Variants in OTUD7B observed in about 807,000 individuals in gnomAD.
OTUD7B encodes the protein OTU domain-containing protein 7B.
Under a neutral mutation model 82.2 loss-of-function variants are expected in OTUD7B, and 34 were observed. That is an observed-to-expected ratio of 0.41 (90% confidence interval 0.31 to 0.55). The LOEUF (loss-of-function observed/expected upper bound fraction) is 0.55, where lower values mean the gene tolerates loss of function less well. OTUD7B is among the 20% of genes least tolerant of loss of function. The pLI is 0.20. For missense variants in OTUD7B, 944 were observed against 1,062.1 expected (o/e 0.89, Z 1.55); for synonymous variants, 398 against 402.7 (o/e 0.99, Z 0.14).
chr1:150,047,033 T>C, the OTUD7B span, among the ~76,000 whole-genome samples: 6 of 152,076 alleles, frequency 3.9e-5, no homozygotes, highest in African/African-American at 1.4e-4. Flanking sequence ...ATCATGCCAC[T>C]GCACTCTAGC....
intron 2 of OTUD7B, among the ~76,000 whole-genome samples, chr1:149,977,022 G>T (rs1553778721): frequency 6.6e-6 from 1 of 152,162 alleles, no homozygotes; most frequent in African/African-American, 2.4e-5. Context: ...TCAGGAGTCT[G>T]AGGCAGGAGA....
At chr1:150,039,109 T>A in the OTUD7B span, among the ~76,000 whole-genome samples, 1 of 152,208 alleles carries the variant, frequency 6.6e-6, no homozygotes, top group Non-Finnish European at 1.5e-5. Flanking sequence ...ATTACTCTTG[T>A]CTTTCTAATA....
intron 1 of OTUD7B, among the ~76,000 whole-genome samples, chr1:149,995,904 G>A (rs1553783263): frequency 6.6e-6 from 1 of 152,170 alleles, no homozygotes. Flanking sequence ...CTGGGCAAAA[G>A]ACATTGGATC....
chr1:149,981,918 G>A (rs1280541470), intron 1 of OTUD7B, among the ~76,000 whole-genome samples: 1 of 152,290 alleles, frequency 6.6e-6, no homozygotes, highest in South Asian at 2.1e-4. Context: ...GGGAGGCCGA[G>A]GCAGGTGGAT....
At chr1:150,056,157 C>G in the OTUD7B span, among the ~76,000 whole-genome samples, 2 of 152,104 alleles carry the variant, frequency 1.3e-5, no homozygotes, top group African/African-American at 4.8e-5. Context: ...ATATGGCTTG[C>G]CTGTTCTCTT....
chr1:150,052,319 T>C, the OTUD7B span, among the ~76,000 whole-genome samples: 1 of 152,132 alleles, frequency 6.6e-6, no homozygotes, highest in Admixed American at 6.5e-5. Context: ...TTCAGCAAAG[T>C]CGCAGGATGT....
chr1:149,958,440 G>C (rs1272978267), intron 7 of OTUD7B, among the ~76,000 whole-genome samples: 1 of 136,096 alleles, frequency 7.3e-6, no homozygotes, highest in Non-Finnish European at 1.5e-5. Context: ...CAATTCTCCT[G>C]CCTCAGCCTC....
At chr1:150,001,191 A>C (rs1652261116) in intron 1 of OTUD7B, among the ~76,000 whole-genome samples, 1 of 152,222 alleles carries the variant, frequency 6.6e-6, no homozygotes, top group Non-Finnish European at 1.5e-5. Flanking sequence ...ACAAAATGTT[A>C]ATGTCCATCA....
At chr1:149,958,108 G>A (rs1380181777) in intron 7 of OTUD7B, among the ~76,000 whole-genome samples, 2 of 152,170 alleles carry the variant, frequency 1.3e-5, no homozygotes, top group Non-Finnish European at 2.9e-5. Flanking sequence ...CCTCTTCTGC[G>A]TCACTCATGC....
At chr1:149,959,637 T>C in intron 7 of OTUD7B, 47 bp downstream of exon 7, 1 of 1,149,112 alleles carries the variant, frequency 8.7e-7, no homozygotes, top group Non-Finnish European at 1.3e-6. Flanking sequence ...GGAAGCCCAG[T>C]GAGGACTCTA....
At chr1:149,979,171 A>T (rs1650539330) in intron 1 of OTUD7B, among the ~76,000 whole-genome samples, 1 of 152,168 alleles carries the variant, frequency 6.6e-6, no homozygotes, top group Non-Finnish European at 1.5e-5. Context: ...TAGGTAGTCA[A>T]ATGCCTGATG....
At chr1:150,065,854 T>TTTTTTTTTTTTTTTTTTTTTTTTAGACG in the OTUD7B span, among the ~76,000 whole-genome samples, 1 of 152,330 alleles carries the variant, frequency 6.6e-6, no homozygotes, top group African/African-American at 2.4e-5. Context: ...AAAATGTTTA[T>TTTTTTTTTTTTTTTTTTTTTTTTAGACG]GTTCCATATC....
At chr1:149,969,719 T>A (rs1402246811) in intron 3 of OTUD7B, among the ~76,000 whole-genome samples, 1 of 152,232 alleles carries the variant, frequency 6.6e-6, no homozygotes, top group Non-Finnish European at 1.5e-5. Flanking sequence ...TATTTTTTTA[T>A]ATGGAGTCTC....
At chr1:149,957,488 C>A (rs374746318) in intron 7 of OTUD7B, among the ~76,000 whole-genome samples, 1 of 152,306 alleles carries the variant, frequency 6.6e-6, no homozygotes, top group East Asian at 1.9e-4. Context: ...GGGTCAGGGA[C>A]CCACTTGAGG....
chr1:149,967,492 C>T lies in OTUD7B; in HGVS notation c.304G>A (p.Ala102Thr), dbSNP rs782371961. The T allele has an allele frequency of 2.5e-6, 4 of 1,611,750 alleles. No homozygotes were observed. Among genetic ancestry groups the T allele is most frequent in the African/African-American group, 1.3e-5 (1 of 74,980 alleles). ...EKRLSRGISH[A>T]SSSIVSLARS... ...GCCAGGGAAACAATGCTGGAGCTGG[C>T]GTGGGAGATGCCCCTAGACAGGCGT... Residue 102 changes from alanine to threonine, a missense_variant, in exon 4 of 12, where the codon GCC becomes ACC. Ala to Thr is a moderately conservative substitution (Grantham distance 58). Around this residue, in one of 3 missense-constraint regions of OTUD7B, gnomAD observed 530 missense variants for 625.6 expected, o/e 0.85. Coordinates refer to ENST00000581312, the MANE Select transcript of OTUD7B (RefSeq NM_020205.4).
chr1:150,024,360 C>T, the OTUD7B span, among the ~76,000 whole-genome samples: 1 of 152,102 alleles, frequency 6.6e-6, no homozygotes, highest in Non-Finnish European at 1.5e-5. Context: ...AATGAAGGAT[C>T]TCACAGACTT....
chr1:150,048,247 G>A, the OTUD7B span, among the ~76,000 whole-genome samples: 14 of 152,116 alleles, frequency 9.2e-5, no homozygotes, highest in East Asian at 2.5e-3. Context: ...TCCCACTTTC[G>A]GAAATGCTTT....
At chr1:150,009,892 GTTC>G (rs782277623) in intron 1 of OTUD7B, among the ~76,000 whole-genome samples, 6 of 151,908 alleles carry the variant, frequency 3.9e-5, no homozygotes, top group African/African-American at 1.2e-4. Flanking sequence ...TTTTTCTAAA[GTTC>G]TTAAGACTGC....
the OTUD7B span, among the ~76,000 whole-genome samples, chr1:150,060,402 T>C: frequency 3.9e-5 from 6 of 152,092 alleles, no homozygotes; most frequent in African/African-American, 1.2e-4. Context: ...AGACACCACA[T>C]AGAGACCATG....
Sources: gnomAD v4.1 joint callset for allele counts (sites outside exome capture counted in the v4.1 genomes callset) on GRCh38, gnomAD v4.1.1 for gene constraint, gnomAD v4.1.1 regional missense constraint, MANE v1.5 for transcripts, NCBI Gene and HGNC (gene_info 2026-07-23, HGNC 2026-07-21) for gene names.